Variants in PIGL observed in about 807,000 individuals in gnomAD.
The protein encoded by PIGL is phosphatidylinositol glycan anchor biosynthesis class L.
PIGL carries 22 observed loss-of-function variants against 31.1 expected under a neutral mutation model. The ratio of observed to expected loss-of-function variants is 0.71; its 90% CI spans 0.51 to 1.01. PIGL has a LOEUF of 1.01. PIGL is among the 50% of genes least tolerant of loss of function. PIGL has a pLI of 0.00. For synonymous variants in PIGL, 131 were observed against 117.4 expected (o/e 1.12, Z -0.75); for missense variants, 302 against 315.9 (o/e 0.96, Z 0.33).
chr17:16,305,854 G>A (rs1364093247), intron 3 of PIGL, among the ~76,000 whole-genome samples: 4 of 152,178 alleles, frequency 2.6e-5, no homozygotes, highest in Non-Finnish European at 4.4e-5. Context: ...TGCTATCATA[G>A]CCCACTATTA....
intron 1 of PIGL, among the ~76,000 whole-genome samples, chr17:16,227,683 C>T (rs570605801): frequency 6.4e-4 from 92 of 144,114 alleles, no homozygotes; most frequent in African/African-American, 2.3e-3. Flanking sequence ...CAGGTTCAAG[C>T]GATTTTCCTG....
At position 16,239,343 on chromosome 17, in the gene PIGL, C is replaced by T. The variant is rs57153988; in HGVS notation, c.335+5273C>T. ...CTAAAGATACAAAAAATTAGCCAGG[C>T]GTGGTGGCATACACCTGTAATCCCA... On this transcript the variant is annotated intron_variant, in intron 2 of 6. Coordinates refer to ENST00000225609, the MANE Select transcript of PIGL (RefSeq NM_004278.4). Among the ~76,000 whole-genome samples, 64 of 151,626 alleles carry T rather than the reference C, an allele frequency of 4.2e-4. No individual in the cohort carries two copies. The South Asian group carries it at 4.4e-3, about 10-fold the overall frequency.
rs1242257797 is a variant in PIGL at position 16,258,127 on chromosome 17, GAGAGAGAGAGAA to G, written c.335+24069_335+24080del. Among the ~76,000 whole-genome samples the G allele has an allele frequency of 5.8e-3, 699 of 120,798 alleles. 18 individuals carry two copies. Among genetic ancestry groups the G allele is most frequent in the African/African-American group, 0.019 (653 of 34,568 alleles). 79.2% of individuals were successfully genotyped at this position (120,798 alleles called of 152,430 possible). A position where few individuals can be genotyped will look rare whatever the true frequency, so the allele number is the denominator to read the frequency against. On this transcript the variant is annotated intron_variant, in intron 2 of 6. Transcript: ENST00000225609. ...AAAGAGAGAGAGAGAGAGAGAGAAAGAGAGAGAGAGAAAGAGAGAGAGAGAGAGAGAAAACTC... is the reference window on the plus strand; with the variant it reads ...AAAGAGAGAGAGAGAGAGAGAGAAAGAGAGAGAGAGAGAGAGAGAAAACTC...
At chr17:16,309,690 G>T (rs2142854390) in intron 3 of PIGL, among the ~76,000 whole-genome samples, 1 of 151,726 alleles carries the variant, frequency 6.6e-6, no homozygotes, top group East Asian at 1.9e-4. Flanking sequence ...GAACCCAGGA[G>T]GTAGAAGTTG....
At chr17:16,302,469 T>G (rs1282918298) in intron 3 of PIGL, among the ~76,000 whole-genome samples, 1 of 152,182 alleles carries the variant, frequency 6.6e-6, no homozygotes, top group Admixed American at 6.5e-5. Context: ...CCTGAAGTAC[T>G]CCCTGGCACC....
chr17:16,291,791 G>C (rs1304285067), intron 2 of PIGL, among the ~76,000 whole-genome samples: 1 of 151,444 alleles, frequency 6.6e-6, no homozygotes, highest in South Asian at 2.1e-4. Flanking sequence ...CTTGAATCTG[G>C]GAGGCGGAGG....
intron 2 of PIGL, among the ~76,000 whole-genome samples, chr17:16,290,294 G>T (rs1205464990): frequency 1.3e-5 from 2 of 151,946 alleles, no homozygotes; most frequent in African/African-American, 4.8e-5. Flanking sequence ...TGTTGGCCAG[G>T]CTGGTCTCGA....
chr17:16,317,405 G>C, intron 5 of PIGL: 1 of 996,388 alleles, frequency 1.0e-6, no homozygotes, highest in Non-Finnish European at 1.2e-6. Context: ...AAGGGACTTT[G>C]CCAAGTCTGT....
At position 16,240,957 on chromosome 17, in the gene PIGL, A is replaced by G. The variant is rs372443665; in HGVS notation, c.335+6887A>G. Among the ~76,000 whole-genome samples, 30 of 151,680 alleles carry G rather than the reference A, an allele frequency of 2.0e-4. No homozygotes were observed. In the East Asian group the frequency reaches 4.7e-3, roughly 24 times the overall value. The stretch of plus-strand genomic sequence containing the variant: ...TGGAGAAACCCGGTCTCTACTAAAA[A>G]TACAAAATTAGCCGGGTGTGGTGGC... On this transcript the variant is annotated intron_variant, in intron 2 of 6. Coordinates refer to ENST00000225609, the MANE Select transcript of PIGL (RefSeq NM_004278.4).
At chr17:16,231,232 C>CTT (rs975246766) in intron 1 of PIGL, among the ~76,000 whole-genome samples, 16 of 126,482 alleles carry the variant, frequency 1.3e-4, no homozygotes, top group South Asian at 2.5e-4. Context: ...ATTTTCTTTT[C>CTT]TTTTTTTTTT....
rs927725315 is a variant in PIGL, at chr17:16,323,459, C to G, written c.661-2341C>G. ...ATGTTGGTCAGGCTGGTCTCGAACT[C>G]CTGACCTCAGGTGATCCTCCCACCT... On this transcript the variant is annotated intron_variant, in intron 6 of 6. Coordinates refer to ENST00000225609, the MANE Select transcript of PIGL (RefSeq NM_004278.4). Among the ~76,000 whole-genome samples the G allele has an allele frequency of 2.0e-5, 3 of 151,994 alleles. No individual in the cohort carries two copies. The South Asian group carries it at 6.2e-4, about 31-fold the overall frequency.
intron 2 of PIGL, among the ~76,000 whole-genome samples, chr17:16,262,401 T>C (rs1184014377): frequency 6.6e-6 from 1 of 152,210 alleles, no homozygotes; most frequent in Non-Finnish European, 1.5e-5. Flanking sequence ...CCTACATAAA[T>C]TTTTTAAAGG....
intron 3 of PIGL, among the ~76,000 whole-genome samples, chr17:16,302,503 C>T (rs1273352559): frequency 1.3e-5 from 2 of 152,154 alleles, no homozygotes; most frequent in African/African-American, 4.8e-5. Flanking sequence ...TAGTGCCTTC[C>T]CAGTCCCTAA....
At chr17:16,219,119 T>C (rs985880619) in intron 1 of PIGL, among the ~76,000 whole-genome samples, 1 of 148,362 alleles carries the variant, frequency 6.7e-6, no homozygotes, top group Non-Finnish European at 1.5e-5. Flanking sequence ...TAGGCTGGAG[T>C]GCAGTGGCGC....
chr17:16,296,225 T>C (rs115896684), intron 2 of PIGL, among the ~76,000 whole-genome samples: 1,650 of 152,268 alleles, frequency 0.011, 35 homozygotes, highest in African/African-American at 0.037. Context: ...CAATGAGTCA[T>C]CTTACACATC....
At chr17:16,249,061 C>T (rs181765324) in intron 2 of PIGL, among the ~76,000 whole-genome samples, 1 of 152,316 alleles carries the variant, frequency 6.6e-6, no homozygotes, top group East Asian at 1.9e-4. Context: ...TATATAACCT[C>T]AATTGCAGTA....
intron 1 of PIGL, among the ~76,000 whole-genome samples, chr17:16,228,498 C>T (rs78476730): frequency 0.05 from 7,540 of 152,244 alleles, 229 homozygotes; most frequent in African/African-American, 0.093. Context: ...ACACCATTCT[C>T]CTGCCTCAGC....
At position 16,227,256 on chromosome 17, in the gene PIGL, G is replaced by A. The variant is rs181521338; in HGVS notation, c.236-6715G>A. ...CCCAAGTAGCTGGGATTACAGGCGCGTGCCACCATCATGACCAGCTAATTT... is the reference window on the plus strand; with the variant it reads ...CCCAAGTAGCTGGGATTACAGGCGCATGCCACCATCATGACCAGCTAATTT... On this transcript the variant is annotated intron_variant, in intron 1 of 6. Coordinates refer to ENST00000225609, the MANE Select transcript of PIGL (RefSeq NM_004278.4). Among the ~76,000 whole-genome samples the A allele has an allele frequency of 1.6e-4, 24 of 151,996 alleles. No homozygotes were observed. The East Asian group carries it at 3.1e-3, about 20-fold the overall frequency.
chr17:16,280,230 T>G (rs2092910987), intron 2 of PIGL, among the ~76,000 whole-genome samples: 1 of 152,228 alleles, frequency 6.6e-6, no homozygotes, highest in Non-Finnish European at 1.5e-5. Context: ...CACCAAATGG[T>G]GCCTGCATGG....
Sources: allele counts gnomAD v4.1 joint callset (sites outside exome capture counted in the v4.1 genomes callset), GRCh38; gene constraint gnomAD v4.1.1; transcripts MANE v1.5; gene names NCBI Gene and HGNC (gene_info 2026-07-23, HGNC 2026-07-21).